The following COG5 variants were observed in gnomAD, a reference collection of about 807,000 sequenced individuals.
COG5 encodes component of oligomeric golgi complex 5.
A neutral mutation model predicts 110.4 loss-of-function variants in COG5; 86 were observed. That is an observed-to-expected ratio of 0.78 (90% CI 0.65 to 0.93). The LOEUF (loss-of-function observed/expected upper bound fraction) is 0.93, where lower values mean the gene tolerates loss of function less well. Among genes scored for constraint, COG5 ranks in the 40% least tolerant of loss-of-function variants. COG5 has a pLI of 0.00. For synonymous variants in COG5, 360 were observed against 334.6 expected, an observed-to-expected ratio of 1.08 and a Z score of -0.83; for missense variants, 1,077 against 987.0, an observed-to-expected ratio of 1.09 and a Z score of -1.22.
intron 7 of COG5, 102 bp from the exon 8 acceptor site, chr7:107,372,862 T>C (rs1211678944): frequency 4.9e-6 from 5 of 1,011,880 alleles, no homozygotes; most frequent in African/African-American, 4.9e-5. Flanking sequence ...AGTCCTATCA[T>C]ATTTAAATAC....
At chr7:107,442,034 G>A (rs1794732845) in intron 6 of COG5, among the ~76,000 whole-genome samples, 1 of 152,210 alleles carries the variant, frequency 6.6e-6, no homozygotes, top group Non-Finnish European at 1.5e-5. Context: ...CCAAGCATCT[G>A]GTGATGTGGT....
chr7:107,296,126 C>T (rs564174623), intron 12 of COG5, among the ~76,000 whole-genome samples: 1 of 148,744 alleles, frequency 6.7e-6, no homozygotes, highest in Non-Finnish European at 1.5e-5. Flanking sequence ...GACCTACCTT[C>T]CTTCCTTCCT....
At chr7:107,552,031 T>C (rs1802929358) in intron 3 of COG5, among the ~76,000 whole-genome samples, 1 of 152,250 alleles carries the variant, frequency 6.6e-6, no homozygotes, top group Non-Finnish European at 1.5e-5. Context: ...TCATTCTAAT[T>C]CAGTCTAGCA....
intron 19 of COG5, among the ~76,000 whole-genome samples, chr7:107,221,811 T>C (rs1029486639): frequency 6.6e-6 from 1 of 151,670 alleles, no homozygotes; most frequent in African/African-American, 2.4e-5. Flanking sequence ...TAGGAATTGA[T>C]ACATTTTCTT....
At chr7:107,545,138 G>A (rs66577901) in intron 5 of COG5, among the ~76,000 whole-genome samples, 9,809 of 152,106 alleles carry the variant, frequency 0.064, 358 homozygotes, top group African/African-American at 0.099. Flanking sequence ...TGAGAATTAC[G>A]GGATGCCATC....
At chr7:107,389,762 G>T (rs371655381) in intron 7 of COG5, among the ~76,000 whole-genome samples, 1 of 152,070 alleles carries the variant, frequency 6.6e-6, no homozygotes, top group Non-Finnish European at 1.5e-5. Flanking sequence ...CCGATGGGGG[G>T]ATGGGATATC....
chr7:107,354,462 A>G (rs773496256), intron 10 of COG5, among the ~76,000 whole-genome samples: 1 of 152,168 alleles, frequency 6.6e-6, no homozygotes, highest in Non-Finnish European at 1.5e-5. Flanking sequence ...GCGGATCATG[A>G]GGTCAGGAGT....
At chr7:107,235,494 G>A (rs1232728138) in intron 18 of COG5, among the ~76,000 whole-genome samples, 1 of 152,208 alleles carries the variant, frequency 6.6e-6, no homozygotes, top group Non-Finnish European at 1.5e-5. Context: ...CACAAGGTCA[G>A]GAGTTTGAGA....
At chr7:107,225,638 G>A (rs967758631) in intron 19 of COG5, among the ~76,000 whole-genome samples, 15 of 152,140 alleles carry the variant, frequency 9.9e-5, no homozygotes, top group African/African-American at 3.6e-4. Context: ...TTAGCCTACC[G>A]AGTAGCTGGG....
At chr7:107,411,050 A>G (rs1792252108) in intron 7 of COG5, among the ~76,000 whole-genome samples, 1 of 152,218 alleles carries the variant, frequency 6.6e-6, no homozygotes, top group African/African-American at 2.4e-5. Context: ...GAGAGAAAAC[A>G]GTACTGCTGA....
chr7:107,509,351 A>G lies in COG5; in HGVS notation c.538+17886T>C, dbSNP rs538797238. 3.1e-3 allele frequency among the ~76,000 whole-genome samples: 466 copies of G among 152,308 alleles called. 4 individuals are homozygous for G. Among genetic ancestry groups the G allele is most frequent in the African/African-American group, 0.011 (455 of 41,568 alleles). On this transcript the variant is annotated intron_variant, in intron 6 of 21. Coordinates refer to ENST00000297135, the MANE Select transcript of COG5 (RefSeq NM_006348.5). ...GCGAGAAGGGAAGTTTAGAGAAAAA[A>G]AGAATAAAAAGAAATGAACAAAGCC...
intron 19 of COG5, among the ~76,000 whole-genome samples, chr7:107,223,572 A>G (rs1231468361): frequency 6.6e-6 from 1 of 152,198 alleles, no homozygotes; most frequent in African/African-American, 2.4e-5. Context: ...AACAGAAGAC[A>G]GTGAGATGAG....
At chr7:107,208,272 CAG>C (rs1798916694) in intron 21 of COG5, 4 of 985,208 alleles carry the variant, frequency 4.1e-6, no homozygotes, top group Non-Finnish European at 1.2e-6. Flanking sequence ...AAAAGCATGA[CAG>C]TATTTCTGAG....
chr7:107,447,912 G>T (rs57452492), intron 6 of COG5, among the ~76,000 whole-genome samples: 41,169 of 152,098 alleles, frequency 0.27, 5,680 homozygotes, highest in East Asian at 0.33. Flanking sequence ...TCCCAGCACT[G>T]TGGGAGGCTG....
intron 6 of COG5, among the ~76,000 whole-genome samples, chr7:107,521,423 A>T (rs117847569): frequency 7.2e-5 from 11 of 152,370 alleles, no homozygotes; most frequent in Non-Finnish European, 1.5e-4. Flanking sequence ...TCCAGCATCT[A>T]CAAGGAACTT....
chr7:107,340,494 T>TA (rs1323788430), intron 10 of COG5, among the ~76,000 whole-genome samples: 1 of 151,384 alleles, frequency 6.6e-6, no homozygotes, highest in Non-Finnish European at 1.5e-5. Context: ...CCAATCCCCC[T>TA]AAAAAAAATT....
intron 5 of COG5, among the ~76,000 whole-genome samples, chr7:107,541,273 G>A (rs1287688811): frequency 3.3e-5 from 5 of 151,636 alleles, no homozygotes; most frequent in African/African-American, 1.2e-4. Context: ...AATACAGGTG[G>A]AATGCTTGAC....
intron 11 of COG5, among the ~76,000 whole-genome samples, chr7:107,307,011 T>C (rs1045052539): frequency 2.0e-5 from 3 of 152,208 alleles, no homozygotes; most frequent in Non-Finnish European, 2.9e-5. Context: ...TGCCTGAACA[T>C]GCTCTCTCAT....
chr7:107,506,487 T>A (rs1799015802), intron 6 of COG5, among the ~76,000 whole-genome samples: 1 of 152,128 alleles, frequency 6.6e-6, no homozygotes, highest in African/African-American at 2.4e-5. Context: ...TGAGGGAGGT[T>A]TCTCTGGCAC....
Sources: allele counts gnomAD v4.1 joint callset (sites outside exome capture counted in the v4.1 genomes callset), GRCh38; gene constraint gnomAD v4.1.1; transcripts MANE v1.5; gene names NCBI Gene and HGNC (gene_info 2026-07-23, HGNC 2026-07-21).